TXK: variants seen among roughly 807,000 people sequenced by gnomAD.
The protein encoded by TXK is TXK tyrosine kinase, also known as tyrosine-protein kinase TXK.
TXK carries 60 observed loss-of-function variants against 81.0 expected under a neutral mutation model. The ratio of observed to expected loss-of-function variants is 0.74; its 90% CI spans 0.60 to 0.92. The LOEUF (loss-of-function observed/expected upper bound fraction) is 0.92, where lower values mean the gene tolerates loss of function less well. TXK is among the 40% of genes least tolerant of loss of function. TXK has a pLI of 0.00. For synonymous variants in TXK, 203 were observed against 210.7 expected (o/e 0.96, Z 0.32); for missense variants, 581 against 638.3 (o/e 0.91, Z 0.97).
intron 6 of TXK, among the ~76,000 whole-genome samples, chr4:48,095,892 AATGTTGC>A (rs1373496446): frequency 6.6e-6 from 1 of 152,218 alleles, no homozygotes; most frequent in Non-Finnish European, 1.5e-5. Context: ...AAGAATCTTG[AATGTTGC>A]ATTGTTTAGA....
At chr4:48,112,258 C>T in intron 4 of TXK, 49 bp downstream of exon 4, 1 of 1,564,396 alleles carries the variant, frequency 6.4e-7, no homozygotes, top group Non-Finnish European at 8.8e-7. Flanking sequence ...AAGTAGTCTT[C>T]TTTGTGTTGG....
At chr4:48,107,632 C>T (rs1027535707) in intron 5 of TXK, among the ~76,000 whole-genome samples, 1 of 152,002 alleles carries the variant, frequency 6.6e-6, no homozygotes, top group Non-Finnish European at 1.5e-5. Flanking sequence ...CAGTGGTTTG[C>T]TGCACAGATC....
intron 10 of TXK, among the ~76,000 whole-genome samples, chr4:48,082,856 G>C (rs531539470): frequency 6.6e-6 from 1 of 152,088 alleles, no homozygotes; most frequent in South Asian, 2.1e-4. Context: ...TCAGAGAATC[G>C]GCTGTTGGAT....
At chr4:48,085,007 CAG>C (rs1266746343) in intron 10 of TXK, among the ~76,000 whole-genome samples, 3 of 152,208 alleles carry the variant, frequency 2.0e-5, no homozygotes, top group African/African-American at 7.2e-5. Flanking sequence ...CTCTGGAAAA[CAG>C]AGCAGAATCT....
chr4:48,076,520 T>G (rs1340084962), intron 11 of TXK, 54 bp from the exon 12 acceptor site: 38 of 1,505,978 alleles, frequency 2.5e-5, no homozygotes, highest in Non-Finnish European at 2.7e-5. Flanking sequence ...ATTTCAAGAG[T>G]TTTTCCTCTC....
chr4:48,120,156 CATATATATGTATATACGT>C (rs1718911496), intron 1 of TXK, among the ~76,000 whole-genome samples: 1 of 85,952 alleles, frequency 1.2e-5, no homozygotes, highest in African/African-American at 8.0e-5. Flanking sequence ...TGTATATATG[CATATATATGTATATACGT>C]ATATGTGTAT....
chr4:48,107,663 G>A (rs1175243767), intron 5 of TXK, among the ~76,000 whole-genome samples: 2 of 152,082 alleles, frequency 1.3e-5, no homozygotes, highest in African/African-American at 4.8e-5. Flanking sequence ...CTAGGATTAA[G>A]CCCAGCATCC....
At chr4:48,105,996 T>G (rs1236692954) in intron 5 of TXK, 1 of 152,144 alleles carries the variant, frequency 6.6e-6, no homozygotes, top group Non-Finnish European at 1.5e-5. Flanking sequence ...AAGCAAATGT[T>G]GTACAGGAAG....
In TXK at chr4:48,067,635, G is replaced by A. The variant is rs777214729; in HGVS notation, c.*2C>T. 29 of 1,613,738 alleles carry A rather than the reference G, an allele frequency of 1.8e-5. No homozygotes were observed. Among genetic ancestry groups the A allele is most frequent in the East Asian group, 6.7e-5 (3 of 44,880 alleles). On this transcript the variant is annotated 3_prime_UTR_variant, in exon 15 of 15. Coordinates refer to ENST00000264316, the MANE Select transcript of TXK (RefSeq NM_003328.3). ...CTCTTTGGGTTGGCATTCTGTTTCC[G>A]GTCACCAGGTTTCCGCAATCTCTGT...
chr4:48,104,941 T>C lies in TXK; in HGVS notation c.461A>G (p.Asn154Ser). The change falls in exon 6 of 15, where the codon AAC becomes AGC. Residue 154 changes from asparagine to serine, a missense_variant. By Grantham distance (46) the Asn-to-Ser change is conservative. Coordinates refer to ENST00000264316, the MANE Select transcript of TXK (RefSeq NM_003328.3). ...NLEIYEWYHRNITRNQAEHLL... is the reference protein window; with the variant it reads ...NLEIYEWYHRSITRNQAEHLL... The stretch of plus-strand genomic sequence containing the variant: ...ATGTTCTGCCTGATTTCTGGTAATG[T>C]TTCTATGGTACCACCTGTAAAAGCA... 2 of 1,592,440 alleles carry C rather than the reference T, an allele frequency of 1.3e-6. No individual in the cohort carries two copies. The highest frequency in any genetic ancestry group is 1.7e-6 in the Non-Finnish European group (2 of 1,169,722).
intron 11 of TXK, among the ~76,000 whole-genome samples, chr4:48,078,192 A>C (rs1560341021): frequency 6.6e-6 from 1 of 152,344 alleles, no homozygotes; most frequent in East Asian, 1.9e-4. Flanking sequence ...TTGATCTCAA[A>C]GACTCTAAGT....
Position 48,128,608 on chromosome 4 carries a change from C to T in TXK, c.16+5547G>A, listed in dbSNP as rs1719157451. 2.7e-5 allele frequency among the ~76,000 whole-genome samples: 4 copies of T among 145,552 alleles called. No individual in the cohort carries two copies. In the South Asian group the frequency reaches 9.0e-4, roughly 33 times the overall value. The stretch of plus-strand genomic sequence containing the variant: ...TGAGATGGAGTCTCACTCTGTCTCC[C>T]AGGCTGGAGTGTGGTGGCACGATCT... On this transcript the variant is annotated intron_variant, in intron 1 of 14. Transcript: ENST00000264316.
At chr4:48,080,758 C>G (rs1043235779) in intron 10 of TXK, among the ~76,000 whole-genome samples, 2 of 150,918 alleles carry the variant, frequency 1.3e-5, no homozygotes, top group African/African-American at 4.9e-5. Context: ...GTTATCTAGA[C>G]TTCAAAAGTT....
chr4:48,069,283 C>T (rs1716739647), intron 14 of TXK, among the ~76,000 whole-genome samples: 1 of 151,664 alleles, frequency 6.6e-6, no homozygotes. Context: ...GTCTGGGAAA[C>T]AGAGCAAGAC....
chr4:48,107,931 CGTG>C (rs1718511398), intron 5 of TXK, among the ~76,000 whole-genome samples: 1 of 135,394 alleles, frequency 7.4e-6, no homozygotes, highest in Admixed American at 7.5e-5. Context: ...AAAAACCGGG[CGTG>C]GTGGCGGGCG....
intron 4 of TXK, among the ~76,000 whole-genome samples, chr4:48,112,089 A>T (rs543855583): frequency 6.6e-6 from 1 of 152,356 alleles, no homozygotes; most frequent in Admixed American, 6.5e-5. Context: ...TTGCCCGGGG[A>T]CACACAATAG....
Position 48,094,205 on chromosome 4 carries a change from C to G in TXK, c.582-1G>C. On this transcript the variant is annotated splice_acceptor_variant, in intron 7 of 14. Transcript: ENST00000264316. LOFTEE classifies it high-confidence loss of function. ...ATGTTTTATGGCAGCCTCCGTACTT[C>G]TACAATCAAGAAAATGTGAATTACT... 1.2e-6 allele frequency: 2 copies of G among 1,612,910 alleles called. No individual in the cohort carries two copies. The highest frequency in any genetic ancestry group is 1.7e-6 in the Non-Finnish European group (2 of 1,179,856).
chr4:48,093,251 C>A (rs1717848140), intron 8 of TXK, among the ~76,000 whole-genome samples: 1 of 152,156 alleles, frequency 6.6e-6, no homozygotes, highest in African/African-American at 2.4e-5. Flanking sequence ...ATACTTAGAA[C>A]CAGTGTAATG....
chr4:48,085,667 T>C (rs1306491135), intron 10 of TXK, among the ~76,000 whole-genome samples: 4 of 133,678 alleles, frequency 3.0e-5, no homozygotes, highest in African/African-American at 7.4e-5. Context: ...CCAAGCTCCA[T>C]TGGCAGGTGA....
Sources: gnomAD v4.1 joint callset for allele counts (sites outside exome capture counted in the v4.1 genomes callset) on GRCh38, gnomAD v4.1.1 for gene constraint, MANE v1.5 for transcripts, NCBI Gene and HGNC (gene_info 2026-07-23, HGNC 2026-07-21) for gene names.